GPC5: variants seen among roughly 807,000 people sequenced by gnomAD.
GPC5 encodes glypican 5.
A neutral mutation model predicts 53.9 loss-of-function variants in GPC5; 47 were observed. That is an observed-to-expected ratio of 0.87 (90% confidence interval 0.69 to 1.11). The LOEUF (loss-of-function observed/expected upper bound fraction) is 1.11, where lower values mean the gene tolerates loss of function less well. Among genes scored for constraint, GPC5 ranks in the 50% most tolerant of loss-of-function variants. The pLI is 0.00. For missense variants in GPC5, 748 were observed against 713.1 expected (o/e 1.05, Z -0.56); for synonymous variants, 286 against 263.3 (o/e 1.09, Z -0.84).
intron 7 of GPC5, among the ~76,000 whole-genome samples, chr13:92,403,743 T>C (rs1875665598): frequency 6.6e-6 from 1 of 152,184 alleles, no homozygotes; most frequent in African/African-American, 2.4e-5. Flanking sequence ...GACGAGAAGA[T>C]GTAGATTCCT....
chr13:92,746,485 T>G (rs986635469), intron 7 of GPC5, among the ~76,000 whole-genome samples: 10 of 152,116 alleles, frequency 6.6e-5, no homozygotes, highest in African/African-American at 2.4e-4. Flanking sequence ...TGATGCATCT[T>G]CTCAGTAGTC....
intron 7 of GPC5, among the ~76,000 whole-genome samples, chr13:92,567,709 A>G (rs891338412): frequency 1.3e-5 from 2 of 152,060 alleles, no homozygotes; most frequent in African/African-American, 4.8e-5. Context: ...AGACAAGAAC[A>G]TGGGGAATTT....
At chr13:92,768,516 T>C (rs975604912) in intron 7 of GPC5, among the ~76,000 whole-genome samples, 2 of 152,174 alleles carry the variant, frequency 1.3e-5, no homozygotes, top group Admixed American at 1.3e-4. Context: ...ACATATAATG[T>C]TAATTTAATT....
intron 7 of GPC5, among the ~76,000 whole-genome samples, chr13:92,475,099 T>A (rs1879056245): frequency 6.6e-6 from 1 of 152,096 alleles, no homozygotes; most frequent in Admixed American, 6.6e-5. Flanking sequence ...AGGAACAAAT[T>A]TAGCATTGAA....
chr13:91,739,496 A>C (rs1403984760), intron 4 of GPC5, among the ~76,000 whole-genome samples: 1 of 151,450 alleles, frequency 6.6e-6, no homozygotes, highest in Non-Finnish European at 1.5e-5. Context: ...TGCGGGGTTC[A>C]TGCTCAGGGT....
chr13:92,493,081 C>CTTCT (rs1879825800), intron 7 of GPC5, among the ~76,000 whole-genome samples: 1 of 152,116 alleles, frequency 6.6e-6, no homozygotes, highest in Non-Finnish European at 1.5e-5. Context: ...GCAGCTGTTC[C>CTTCT]TTCTTAACAC....
At chr13:92,646,087 A>C (rs887007711) in intron 7 of GPC5, among the ~76,000 whole-genome samples, 1 of 152,064 alleles carries the variant, frequency 6.6e-6, no homozygotes, top group African/African-American at 2.4e-5. Context: ...ACCTTATCTA[A>C]GAAATCTTTT....
chr13:91,719,777 T>A (rs1236071797), intron 3 of GPC5, among the ~76,000 whole-genome samples: 1 of 152,214 alleles, frequency 6.6e-6, no homozygotes, highest in Non-Finnish European at 1.5e-5. Context: ...TTATTTCTAA[T>A]TCCAAAATCA....
intron 7 of GPC5, among the ~76,000 whole-genome samples, chr13:92,841,370 T>A (rs1338212608): frequency 6.6e-6 from 1 of 152,160 alleles, no homozygotes; most frequent in Non-Finnish European, 1.5e-5. Flanking sequence ...ATTTTTTAAA[T>A]CTTTATTATG....
intron 6 of GPC5, among the ~76,000 whole-genome samples, chr13:91,983,188 A>T (rs747595727): frequency 2.6e-5 from 4 of 152,148 alleles, no homozygotes; most frequent in Non-Finnish European, 5.9e-5. Flanking sequence ...TACTAAAAAT[A>T]CAAAAAAATT....
chr13:91,799,014 A>C (rs1342839118), intron 5 of GPC5, among the ~76,000 whole-genome samples: 1 of 152,116 alleles, frequency 6.6e-6, no homozygotes, highest in African/African-American at 2.4e-5. Context: ...TCTTCTTTTG[A>C]GAAGTGTCAC....
chr13:92,127,940 A>G (rs1445752141), intron 6 of GPC5, among the ~76,000 whole-genome samples: 1 of 152,216 alleles, frequency 6.6e-6, no homozygotes, highest in African/African-American at 2.4e-5. Context: ...TGAGTCAACA[A>G]AATTTCACTT....
At chr13:91,706,953 A>G (rs1016484635) in intron 3 of GPC5, among the ~76,000 whole-genome samples, 2 of 152,138 alleles carry the variant, frequency 1.3e-5, no homozygotes, top group Non-Finnish European at 2.9e-5. Context: ...TAAATATAAA[A>G]ATTGAAGATG....
At chr13:91,507,055 G>A (rs751007886) in intron 2 of GPC5, among the ~76,000 whole-genome samples, 10 of 152,074 alleles carry the variant, frequency 6.6e-5, no homozygotes, top group Non-Finnish European at 1.0e-4. Flanking sequence ...TCAAATATGT[G>A]TATATATCTT....
chr13:91,471,863 C>T (rs931538385), intron 2 of GPC5, among the ~76,000 whole-genome samples: 1 of 152,098 alleles, frequency 6.6e-6, no homozygotes, highest in African/African-American at 2.4e-5. Flanking sequence ...ACTAAAAAGT[C>T]TAGATAGATT....
intron 5 of GPC5, among the ~76,000 whole-genome samples, chr13:91,853,770 A>G (rs1341890138): frequency 6.6e-6 from 1 of 151,996 alleles, no homozygotes; most frequent in Non-Finnish European, 1.5e-5. Flanking sequence ...TAAAAAATAA[A>G]GTCATTCAAG....
At chr13:91,834,720 C>A (rs931238119) in intron 5 of GPC5, among the ~76,000 whole-genome samples, 6 of 152,138 alleles carry the variant, frequency 3.9e-5, no homozygotes, top group African/African-American at 1.4e-4. Flanking sequence ...TGGATCCCTT[C>A]CTTACACCTT....
chr13:91,535,158 C>T (rs891472509), intron 2 of GPC5, among the ~76,000 whole-genome samples: 9 of 152,162 alleles, frequency 5.9e-5, no homozygotes, highest in Non-Finnish European at 4.4e-5. Flanking sequence ...GCTATTTTCT[C>T]AGTCTGGGAT....
At chr13:92,558,098 A>C (rs1201473991) in intron 7 of GPC5, among the ~76,000 whole-genome samples, 1 of 152,020 alleles carries the variant, frequency 6.6e-6, no homozygotes, top group Non-Finnish European at 1.5e-5. Flanking sequence ...CTGGAAAATC[A>C]AAAGAAGATT....
Sources: allele counts gnomAD v4.1 joint callset (sites outside exome capture counted in the v4.1 genomes callset), GRCh38; gene constraint gnomAD v4.1.1; transcripts MANE v1.5; gene names NCBI Gene and HGNC (gene_info 2026-07-23, HGNC 2026-07-21).